The following TEX2 variants were observed in gnomAD, a reference collection of about 807,000 sequenced individuals.
TEX2 encodes the protein testis-expressed protein 2.
A neutral mutation model predicts 106.9 loss-of-function variants in TEX2; 53 were observed. The observed-to-expected ratio is 0.50, with a 90% confidence interval of 0.40 to 0.62. The LOEUF (loss-of-function observed/expected upper bound fraction) is 0.62, where lower values mean the gene tolerates loss of function less well. Ranked by LOEUF, TEX2 falls within the 20% of genes least tolerant of loss-of-function variation. The pLI is 0.00. For synonymous variants in TEX2, 523 were observed against 534.8 expected (o/e 0.98, Z 0.30); for missense variants, 1,207 against 1,379.0 (o/e 0.88, Z 1.98).
At position 64,167,749 on chromosome 17, in the gene TEX2, GT is replaced by G. The variant is rs1438883349; in HGVS notation, c.2671+3350del. Among the ~76,000 whole-genome samples the G allele has an allele frequency of 7.9e-5, 12 of 152,260 alleles. No individual in the cohort carries two copies. In the South Asian group the frequency reaches 2.5e-3, roughly 32 times the overall value. On this transcript the variant is annotated intron_variant, in intron 7 of 11. Transcript: ENST00000584379. ...CAGGAGAATCACTTGAACCCAGGAG[GT>G]GGAGGTTGCAGTGAGTTGAGATCAT...
chr17:64,241,689 A>G (rs1364193587), intron 1 of TEX2, among the ~76,000 whole-genome samples: 2 of 151,974 alleles, frequency 1.3e-5, no homozygotes, highest in Non-Finnish European at 2.9e-5. Flanking sequence ...GCTGGAGTGC[A>G]CTCGTGCGAT....
At chr17:64,188,136 T>G in intron 5 of TEX2, 32 bp downstream of exon 5, 1 of 1,593,446 alleles carries the variant, frequency 6.3e-7, no homozygotes, top group Non-Finnish European at 8.5e-7. Flanking sequence ...AGTCGAAAAG[T>G]GAAAAAGGTC....
In TEX2 at chr17:64,212,592, T is replaced by C; in HGVS notation, c.1626A>G (p.Lys542=). 6.2e-7 allele frequency: 1 copy of C among 1,613,780 alleles called. No homozygotes were observed. Among genetic ancestry groups the C allele is most frequent in the Non-Finnish European group, 8.5e-7 (1 of 1,179,766 alleles). ...GGCTTACCTTCAGTATTTCAGGTTC[T>C]TTGATATCCAGAGATCTTGTGTTCC... ...RHWNTRSLDI[K]EPEILKGWMN... Residue 542 remains lysine, a synonymous_variant, in exon 2 of 12, where the codon AAA becomes AAG. Transcript: ENST00000584379.
Position 64,147,914 on chromosome 17 carries a change from C to T in TEX2, c.*1055G>A, listed in dbSNP as rs1360838912. On this transcript the variant is annotated 3_prime_UTR_variant, in exon 12 of 12. Transcript: ENST00000584379. ...GTTTACTTCTCGAAGCAAAGAGAGC[C>T]CCCAACCTTGTAAACTAAACATTCT... The T allele has an allele frequency of 6.6e-6, 1 of 152,466 alleles. No individual in the cohort carries two copies. The highest frequency in any genetic ancestry group is 1.5e-5 in the Non-Finnish European group (1 of 68,020). The allele number at this position is 152,466 out of a possible 1,614,324, so 9.4% of individuals were successfully genotyped here. A position where few individuals can be genotyped will look rare whatever the true frequency, so the allele number is the denominator to read the frequency against.
intron 2 of TEX2, among the ~76,000 whole-genome samples, chr17:64,210,432 T>A (rs189019225): frequency 4.5e-4 from 68 of 152,288 alleles, no homozygotes; most frequent in African/African-American, 1.4e-3. Context: ...GCAGAAATTT[T>A]AAAAACCCAA....
intron 4 of TEX2, among the ~76,000 whole-genome samples, chr17:64,190,626 T>TA (rs2032261600): frequency 6.6e-6 from 1 of 152,162 alleles, no homozygotes; most frequent in African/African-American, 2.4e-5. Context: ...TAGCCCCTGA[T>TA]AAAGTCAAGG....
chr17:64,207,740 T>C (rs533712367), intron 2 of TEX2, among the ~76,000 whole-genome samples: 67 of 151,526 alleles, frequency 4.4e-4, no homozygotes, highest in African/African-American at 1.6e-3. Flanking sequence ...CTTTTTTTTT[T>C]CTTTTTTTTT....
At chr17:64,235,571 C>T (rs568931583) in intron 1 of TEX2, among the ~76,000 whole-genome samples, 5 of 152,154 alleles carry the variant, frequency 3.3e-5, no homozygotes, top group South Asian at 4.1e-4. Context: ...GGCTATAAAG[C>T]GCTTTTGTCT....
chr17:64,260,609 A>G (rs2034272490), intron 1 of TEX2, among the ~76,000 whole-genome samples: 1 of 152,226 alleles, frequency 6.6e-6, no homozygotes, highest in South Asian at 2.1e-4. Context: ...TCACACCTCC[A>G]TTAGAGGGCT....
At chr17:64,238,097 C>T (rs1598216421) in intron 1 of TEX2, among the ~76,000 whole-genome samples, 1 of 152,042 alleles carries the variant, frequency 6.6e-6, no homozygotes, top group Non-Finnish European at 1.5e-5. Flanking sequence ...GTCAGGAGTT[C>T]GAGACCAGCC....
intron 2 of TEX2, among the ~76,000 whole-genome samples, chr17:64,209,023 T>C (rs1185076459): frequency 6.6e-6 from 1 of 152,200 alleles, no homozygotes; most frequent in South Asian, 2.1e-4. Flanking sequence ...CCTTCATTCA[T>C]CTACCCATCC....
rs117401906 is a variant in TEX2 at position 64,174,789 on chromosome 17, C to T, written c.2571+2536G>A. Among the ~76,000 whole-genome samples the T allele has an allele frequency of 1.1e-3, 167 of 152,340 alleles. 3 individuals carry two copies. The East Asian group carries it at 0.032, about 29-fold the overall frequency. Reference sequence around the variant, plus strand: ...CCACTGAGGGCCCTAGGGCGGTTATCTGAGCAGCTGGCTAAGGCCAAGAGC... The same window carrying T: ...CCACTGAGGGCCCTAGGGCGGTTATTTGAGCAGCTGGCTAAGGCCAAGAGC... On this transcript the variant is annotated intron_variant, in intron 6 of 11. Transcript: ENST00000584379.
At chr17:64,221,816 G>C (rs562364805) in intron 1 of TEX2, among the ~76,000 whole-genome samples, 1 of 152,208 alleles carries the variant, frequency 6.6e-6, no homozygotes, top group African/African-American at 2.4e-5. Flanking sequence ...CAAACACAAG[G>C]GAATATTATT....
chr17:64,174,032 A>T (rs927794281), intron 6 of TEX2, among the ~76,000 whole-genome samples: 1 of 151,492 alleles, frequency 6.6e-6, no homozygotes, highest in Non-Finnish European at 1.5e-5. Context: ...TTTTTTGTAG[A>T]GACAGGGTCT....
chr17:64,180,097 T>C (rs970897056), intron 5 of TEX2, among the ~76,000 whole-genome samples: 1 of 152,206 alleles, frequency 6.6e-6, no homozygotes, highest in Admixed American at 6.5e-5. Context: ...TCCGATTATT[T>C]ATACAGACTT....
chr17:64,235,395 A>G lies in TEX2; in HGVS notation c.-25-21153T>C, dbSNP rs1018162304. ...TTCTGCAGGTGCTCTGTGCTCCAAGAAAGTGTTCCATCCACTCAGTACTTA... is the reference window on the plus strand; with the variant it reads ...TTCTGCAGGTGCTCTGTGCTCCAAGGAAGTGTTCCATCCACTCAGTACTTA... On this transcript the variant is annotated intron_variant, in intron 1 of 11. Coordinates refer to ENST00000584379, the MANE Select transcript of TEX2 (RefSeq NM_001288732.2). Among the ~76,000 whole-genome samples the G allele has an allele frequency of 1.1e-3, 166 of 152,322 alleles. 1 individual carries two copies. Among genetic ancestry groups the G allele is most frequent in the African/African-American group, 3.8e-3 (156 of 41,564 alleles).
At chr17:64,197,769 G>A (rs1405601657) in intron 2 of TEX2, among the ~76,000 whole-genome samples, 2 of 151,970 alleles carry the variant, frequency 1.3e-5, no homozygotes, top group East Asian at 3.9e-4. Flanking sequence ...TTGCTATGTT[G>A]CCCAAGCTGG....
chr17:64,242,829 T>C (rs1187068915), intron 1 of TEX2, among the ~76,000 whole-genome samples: 1 of 152,070 alleles, frequency 6.6e-6, no homozygotes, highest in Non-Finnish European at 1.5e-5. Context: ...CTCATACCTA[T>C]GATCCCAACA....
At chr17:64,191,568 G>A (rs748314331) in intron 4 of TEX2, among the ~76,000 whole-genome samples, 17 of 152,198 alleles carry the variant, frequency 1.1e-4, no homozygotes, top group Non-Finnish European at 2.1e-4. Flanking sequence ...TGTAATCCCA[G>A]CACTTTGGGA....
Sources: allele counts gnomAD v4.1 joint callset (sites outside exome capture counted in the v4.1 genomes callset), GRCh38; gene constraint gnomAD v4.1.1; transcripts MANE v1.5; gene names NCBI Gene and HGNC (gene_info 2026-07-23, HGNC 2026-07-21).